Variants in CNTN1 observed in about 807,000 individuals in gnomAD.
The protein encoded by CNTN1 is contactin 1, also known as contactin-1.
A neutral mutation model predicts 126.4 loss-of-function variants in CNTN1; 38 were observed. That is an observed-to-expected ratio of 0.30 (90% CI 0.23 to 0.39). The LOEUF is 0.39. Ranked by LOEUF, CNTN1 falls within the 10% of genes least tolerant of loss-of-function variation. The probability of loss-of-function intolerance (pLI) is 1.00; values close to 1 mark genes in which losing one functional copy is unlikely to be tolerated. For missense variants in CNTN1, 1,009 were observed against 1,248.4 expected (o/e 0.81, Z 2.89); for synonymous variants, 413 against 422.6 (o/e 0.98, Z 0.28).
chr12:40,880,215 C>T (rs1943824365), intron 1 of CNTN1, among the ~76,000 whole-genome samples: 1 of 151,956 alleles, frequency 6.6e-6, no homozygotes, highest in Admixed American at 6.6e-5. Context: ...ATTTATTCAA[C>T]AACTATTTCC....
rs893151778 is a variant in CNTN1, at chr12:40,943,886, ATCT to A, written c.1508-107_1508-105del. The A allele has an allele frequency of 5.9e-5, 81 of 1,379,760 alleles. No individual in the cohort carries two copies. In the African/African-American group the frequency reaches 8.8e-4, roughly 15 times the overall value. The allele number at this position is 1,379,760 out of a possible 1,614,324, so 85.5% of individuals were successfully genotyped here. A position where few individuals can be genotyped will look rare whatever the true frequency, so the allele number is the denominator to read the frequency against. Reference sequence around the variant, plus strand: ...GTTCTTGGAATTTGGAAGTGAAAACATCTTATTATTTTGCACAAATAAAAATAT... The same window carrying A: ...GTTCTTGGAATTTGGAAGTGAAAACATATTATTTTGCACAAATAAAAATAT... On this transcript the variant is annotated intron_variant, in intron 13 of 23. Transcript: ENST00000551295.
intron 1 of CNTN1, among the ~76,000 whole-genome samples, chr12:40,867,969 G>A (rs896375789): frequency 4.0e-5 from 6 of 151,338 alleles, no homozygotes; most frequent in Non-Finnish European, 8.8e-5. Flanking sequence ...AACACCACTG[G>A]ATTACATCTT....
At chr12:40,971,588 T>C (rs1947513959) in intron 15 of CNTN1, 1 of 1,532,100 alleles carries the variant, frequency 6.5e-7, no homozygotes, top group South Asian at 1.2e-5. Context: ...TAACTCAATC[T>C]TGTAGCTTCT....
At chr12:40,846,953 C>T (rs761799402) in intron 1 of CNTN1, among the ~76,000 whole-genome samples, 11 of 152,168 alleles carry the variant, frequency 7.2e-5, no homozygotes, top group South Asian at 2.1e-4. Flanking sequence ...CTGCATCCTC[C>T]GCCTCCCAGG....
intron 22 of CNTN1, among the ~76,000 whole-genome samples, chr12:41,028,763 C>T (rs952451003): frequency 1.3e-5 from 2 of 152,010 alleles, no homozygotes; most frequent in Admixed American, 6.6e-5. Context: ...TCATTTTGGA[C>T]TTTTTTCTTA....
At chr12:40,911,226 A>C (rs568486349) in intron 3 of CNTN1, among the ~76,000 whole-genome samples, 3 of 151,936 alleles carry the variant, frequency 2.0e-5, no homozygotes, top group African/African-American at 7.3e-5. Context: ...GACTACAGGC[A>C]CCCGCAACCA....
chr12:40,760,438 CCAA>C (rs1209416520), intron 1 of CNTN1, among the ~76,000 whole-genome samples: 2 of 151,860 alleles, frequency 1.3e-5, no homozygotes, highest in Non-Finnish European at 2.9e-5. Flanking sequence ...AACACTGCTA[CCAA>C]CATTATTATT....
At chr12:40,896,482 A>G (rs2136751248) in intron 1 of CNTN1, among the ~76,000 whole-genome samples, 1 of 152,292 alleles carries the variant, frequency 6.6e-6, no homozygotes, top group Non-Finnish European at 1.5e-5. Flanking sequence ...CTAGACTCAC[A>G]GTCTGTACCC....
rs540436849 is a variant in CNTN1 at position 41,050,210 on chromosome 12, T to A, written c.2981-19749T>A. 4.6e-5 allele frequency among the ~76,000 whole-genome samples: 7 copies of A among 152,332 alleles called. No homozygotes were observed. In the South Asian group the frequency reaches 1.4e-3, roughly 32 times the overall value. On this transcript the variant is annotated intron_variant, in intron 23 of 23. Coordinates refer to ENST00000551295, the MANE Select transcript of CNTN1 (RefSeq NM_001843.4). Reference sequence around the variant, plus strand: ...CCACTGCACCCAGTCAAGATGTCTATAATATTATTATAAATTTATGTATGT... The same window carrying A: ...CCACTGCACCCAGTCAAGATGTCTAAAATATTATTATAAATTTATGTATGT...
chr12:40,996,614 C>T (rs896386112), intron 17 of CNTN1, among the ~76,000 whole-genome samples: 1 of 152,112 alleles, frequency 6.6e-6, no homozygotes, highest in African/African-American at 2.4e-5. Flanking sequence ...AATATGGTCT[C>T]CTGTCTACTT....
chr12:40,971,792 T>C (rs1187831914), intron 15 of CNTN1: 10 of 1,189,498 alleles, frequency 8.4e-6, no homozygotes, highest in Non-Finnish European at 1.0e-5. Context: ...GTCCTGTTTT[T>C]CTTTGAAATT....
intron 1 of CNTN1, among the ~76,000 whole-genome samples, chr12:40,762,740 T>C (rs571707428): frequency 2.6e-5 from 4 of 152,264 alleles, no homozygotes; most frequent in African/African-American, 7.2e-5. Context: ...GATAAAATGA[T>C]GAGTAAAATT....
intron 1 of CNTN1, among the ~76,000 whole-genome samples, chr12:40,808,265 A>C (rs1425315688): frequency 6.6e-6 from 1 of 152,182 alleles, no homozygotes; most frequent in African/African-American, 2.4e-5. Context: ...AAATCTCTCA[A>C]GTCATTGAAT....
intron 3 of CNTN1, among the ~76,000 whole-genome samples, chr12:40,911,120 A>G (rs532836973): frequency 1.1e-4 from 16 of 152,218 alleles, no homozygotes; most frequent in East Asian, 1.9e-4. Context: ...TCGCTCTGTC[A>G]CCCAGGCTGG....
At chr12:40,759,235 C>G (rs1209902817) in intron 1 of CNTN1, among the ~76,000 whole-genome samples, 1 of 152,020 alleles carries the variant, frequency 6.6e-6, no homozygotes, top group Non-Finnish European at 1.5e-5. Context: ...AAAGTTCCTG[C>G]TCAGTTTCCC....
intron 1 of CNTN1, among the ~76,000 whole-genome samples, chr12:40,882,923 T>A (rs1433229707): frequency 6.6e-6 from 1 of 151,634 alleles, no homozygotes; most frequent in Non-Finnish European, 1.5e-5. Flanking sequence ...TTATCTGAAC[T>A]GTACATTTGA....
intron 15 of CNTN1, chr12:40,971,336 C>A: frequency 2.0e-6 from 2 of 979,546 alleles, no homozygotes; most frequent in Non-Finnish European, 3.1e-6. Context: ...TTTCACCTTA[C>A]CCATCAAGGA....
intron 1 of CNTN1, among the ~76,000 whole-genome samples, chr12:40,737,343 G>A (rs201578583): frequency 4.6e-5 from 5 of 109,796 alleles, no homozygotes; most frequent in East Asian, 2.8e-4. Context: ...GTGTGTGTGT[G>A]TATATATGTG....
chr12:40,756,767 G>A (rs1048803834), intron 1 of CNTN1, among the ~76,000 whole-genome samples: 2 of 152,134 alleles, frequency 1.3e-5, no homozygotes, highest in African/African-American at 4.8e-5. Flanking sequence ...AGTCCCTCAA[G>A]TCATTCTCTG....
Sources: allele counts gnomAD v4.1 joint callset (sites outside exome capture counted in the v4.1 genomes callset), GRCh38; gene constraint gnomAD v4.1.1; transcripts MANE v1.5; gene names NCBI Gene and HGNC (gene_info 2026-07-23, HGNC 2026-07-21).